BICC1: variants seen among roughly 807,000 people sequenced by gnomAD.
BICC1 encodes BicC family RNA binding protein 1, also known as protein bicaudal C homolog 1.
BICC1 carries 43 observed loss-of-function variants against 111.0 expected under a neutral mutation model. That is an observed-to-expected ratio of 0.39 (90% CI 0.30 to 0.50). BICC1 has a LOEUF of 0.50. BICC1 is among the 20% of genes least tolerant of loss of function. The pLI, the probability that BICC1 is intolerant of heterozygous loss-of-function variation, is 0.88. For missense variants in BICC1, 1,091 were observed against 1,203.2 expected, an observed-to-expected ratio of 0.91 and a Z score of 1.38; for synonymous variants, 467 against 434.4, an observed-to-expected ratio of 1.07 and a Z score of -0.93.
chr10:58,754,669 A>G (rs1842090514), intron 3 of BICC1, among the ~76,000 whole-genome samples: 1 of 152,130 alleles, frequency 6.6e-6, no homozygotes, highest in Non-Finnish European at 1.5e-5. Context: ...GGGGGAGCCC[A>G]GGGATGCCTT....
At chr10:58,596,967 GGCCGTACT>G (rs1480957877) in intron 1 of BICC1, among the ~76,000 whole-genome samples, 2 of 152,128 alleles carry the variant, frequency 1.3e-5, no homozygotes, top group Non-Finnish European at 2.9e-5. Context: ...TTGTGAAAAT[GGCCGTACT>G]GCCCAAAGTA....
At chr10:58,826,132 T>TA (rs1564634611) in intron 20 of BICC1, among the ~76,000 whole-genome samples, 1 of 152,134 alleles carries the variant, frequency 6.6e-6, no homozygotes, top group African/African-American at 2.4e-5. Flanking sequence ...AGGATTGTTA[T>TA]AAAAAAGCAT....
chr10:58,696,149 G>A (rs1840058551), intron 2 of BICC1, among the ~76,000 whole-genome samples: 1 of 151,870 alleles, frequency 6.6e-6, no homozygotes, highest in African/African-American at 2.4e-5. Flanking sequence ...ATATTTATTT[G>A]GTACCTTTTT....
intron 3 of BICC1, among the ~76,000 whole-genome samples, chr10:58,743,777 CTT>C (rs5785345): frequency 7.0e-6 from 1 of 143,724 alleles, no homozygotes. Flanking sequence ...GTTTTCTTTT[CTT>C]TTTTTTTTTT....
chr10:58,611,942 T>C (rs1419157809), intron 1 of BICC1, among the ~76,000 whole-genome samples: 2 of 152,198 alleles, frequency 1.3e-5, no homozygotes, highest in Admixed American at 1.3e-4. Context: ...AGAAAAATTA[T>C]ATTTATTTTT....
intron 3 of BICC1, among the ~76,000 whole-genome samples, chr10:58,775,506 T>C (rs1589127301): frequency 6.6e-6 from 1 of 152,212 alleles, no homozygotes; most frequent in African/African-American, 2.4e-5. Context: ...TTTTAAGATA[T>C]TATTCTTAAG....
chr10:58,755,262 TG>T (rs1395884988), intron 3 of BICC1, among the ~76,000 whole-genome samples: 5 of 151,912 alleles, frequency 3.3e-5, no homozygotes, highest in Admixed American at 6.6e-5. Context: ...CAGGGCCCAC[TG>T]TTTAGTGTCT....
At position 58,817,026 on chromosome 10, in the gene BICC1, G is replaced by C. The variant is rs1022923664; in HGVS notation, c.2534-536G>C. On this transcript the variant is annotated intron_variant, in intron 18 of 20. Coordinates refer to ENST00000373886, the MANE Select transcript of BICC1 (RefSeq NM_001080512.3). ...CACTTTATACATTACTATTAATCTT[G>C]GAAGTGTGCTGTTTTGTGACCTTGC... Among the ~76,000 whole-genome samples, 19 of 151,916 alleles carry C rather than the reference G, an allele frequency of 1.3e-4. No individual in the cohort carries two copies. The East Asian group carries it at 3.7e-3, about 29-fold the overall frequency.
intron 3 of BICC1, among the ~76,000 whole-genome samples, chr10:58,703,406 C>G (rs1156791829): frequency 1.3e-5 from 2 of 152,086 alleles, no homozygotes; most frequent in South Asian, 4.2e-4. Context: ...AAGCAATTCT[C>G]CTGCCTTGAT....
chr10:58,816,307 T>C (rs75848638), intron 18 of BICC1, among the ~76,000 whole-genome samples: 2,734 of 152,250 alleles, frequency 0.018, 80 homozygotes, highest in African/African-American at 0.062. Context: ...TTTATGACTT[T>C]GGGGCCTCTG....
intron 2 of BICC1, among the ~76,000 whole-genome samples, chr10:58,632,861 G>GGATAGATAGATA (rs80252372): frequency 1.1e-4 from 16 of 150,702 alleles, no homozygotes; most frequent in Middle Eastern, 3.2e-3. Context: ...ATAGATAGAT[G>GGATAGATAGATA]GATAGATAGA....
Position 58,709,108 on chromosome 10 carries a change from A to C in BICC1, c.307+6965A>C, listed in dbSNP as rs552970725. On this transcript the variant is annotated intron_variant, in intron 3 of 20. Transcript: ENST00000373886. ...GCTATTTGAAAATATATAATAAATT[A>C]TATTTAACTGTAGTCACCCTACAGT... Among the ~76,000 whole-genome samples, 6 of 152,246 alleles carry C rather than the reference A, an allele frequency of 3.9e-5. No homozygotes were observed. In the East Asian group the frequency reaches 1.2e-3, roughly 29 times the overall value.
intron 1 of BICC1, among the ~76,000 whole-genome samples, chr10:58,561,510 A>G (rs930331097): frequency 1.3e-5 from 2 of 151,724 alleles, no homozygotes; most frequent in African/African-American, 4.8e-5. Context: ...CTATTCAGCA[A>G]CTCTATATCT....
intron 1 of BICC1, among the ~76,000 whole-genome samples, chr10:58,514,756 A>G (rs1842196715): frequency 3.3e-5 from 5 of 152,148 alleles, no homozygotes; most frequent in Admixed American, 3.3e-4. Flanking sequence ...CCGTTATAAG[A>G]TAGATTTGGA....
At chr10:58,744,092 G>C (rs1185270105) in intron 3 of BICC1, among the ~76,000 whole-genome samples, 1 of 152,086 alleles carries the variant, frequency 6.6e-6, no homozygotes, top group Non-Finnish European at 1.5e-5. Flanking sequence ...CAAAATCATT[G>C]TTGAGCTTAA....
At chr10:58,662,179 C>T (rs547562255) in intron 2 of BICC1, among the ~76,000 whole-genome samples, 1 of 152,198 alleles carries the variant, frequency 6.6e-6, no homozygotes, top group East Asian at 1.9e-4. Context: ...AGTAGTCCCT[C>T]CAGGCCAAAA....
At chr10:58,677,566 G>A (rs769942505) in intron 2 of BICC1, among the ~76,000 whole-genome samples, 6 of 152,156 alleles carry the variant, frequency 3.9e-5, no homozygotes, top group East Asian at 1.9e-4. Flanking sequence ...CCAAACCTAC[G>A]TTTGATTGGT....
intron 2 of BICC1, among the ~76,000 whole-genome samples, chr10:58,670,531 A>G (rs979625856): frequency 6.6e-6 from 1 of 152,182 alleles, no homozygotes; most frequent in Non-Finnish European, 1.5e-5. Flanking sequence ...GAATACTGGC[A>G]GGACTTTGGG....
intron 2 of BICC1, among the ~76,000 whole-genome samples, chr10:58,662,609 G>A (rs978060262): frequency 1.4e-4 from 22 of 152,108 alleles, no homozygotes; most frequent in African/African-American, 5.3e-4. Context: ...TGATTATCTC[G>A]TATTACAATG....
Sources: allele counts gnomAD v4.1 joint callset (sites outside exome capture counted in the v4.1 genomes callset), GRCh38; gene constraint gnomAD v4.1.1; transcripts MANE v1.5; gene names NCBI Gene and HGNC (gene_info 2026-07-23, HGNC 2026-07-21).